SPMIP2: variants seen among roughly 807,000 people sequenced by gnomAD.
SPMIP2 encodes the protein sperm microtubule inner protein 2.
At chr4:159,075,630 G>A in the SPMIP2 span, among the ~76,000 whole-genome samples, 43 of 152,196 alleles carry the variant, frequency 2.8e-4, no homozygotes, top group African/African-American at 9.4e-4. Flanking sequence ...TGCCAACAGC[G>A]TGTAGGACAA....
the SPMIP2 span, among the ~76,000 whole-genome samples, chr4:158,971,608 C>T: frequency 7.9e-3 from 1,201 of 152,292 alleles, 20 homozygotes; most frequent in African/African-American, 0.027. Context: ...GTGCCAGGAT[C>T]GCGCTCAGTG....
chr4:159,017,970 G>A, the SPMIP2 span, among the ~76,000 whole-genome samples: 1 of 152,200 alleles, frequency 6.6e-6, no homozygotes, highest in Non-Finnish European at 1.5e-5. Flanking sequence ...GGATTGGGAT[G>A]CTCCAGACAC....
chr4:159,007,687 T>C, the SPMIP2 span: 1 of 716,714 alleles, frequency 1.4e-6, no homozygotes, highest in Non-Finnish European at 2.4e-6. Context: ...TGGGTCTTGG[T>C]GCACCAGCGA....
At chr4:158,896,776 C>T in the SPMIP2 span, among the ~76,000 whole-genome samples, 1 of 145,438 alleles carries the variant, frequency 6.9e-6, no homozygotes, top group Non-Finnish European at 1.5e-5. Flanking sequence ...GTCTCTTTGT[C>T]GTTTTTTTTT....
chr4:159,061,092 A>AT, the SPMIP2 span, among the ~76,000 whole-genome samples: 163 of 143,990 alleles, frequency 1.1e-3, no homozygotes, highest in South Asian at 4.1e-3. Context: ...CTCAAAAAAA[A>AT]AAATATATAT....
chr4:159,048,877 T>A, the SPMIP2 span, among the ~76,000 whole-genome samples: 2 of 151,802 alleles, frequency 1.3e-5, no homozygotes, highest in South Asian at 4.2e-4. Context: ...GCTTAATAAT[T>A]ATTATTTTTT....
the SPMIP2 span, among the ~76,000 whole-genome samples, chr4:158,987,410 A>C: frequency 2.0e-5 from 3 of 152,288 alleles, no homozygotes; most frequent in East Asian, 5.8e-4. Context: ...AGACTGGATT[A>C]AGAATATGTG....
At chr4:159,070,274 A>G in the SPMIP2 span, among the ~76,000 whole-genome samples, 6 of 152,248 alleles carry the variant, frequency 3.9e-5, no homozygotes, top group African/African-American at 1.4e-4. Flanking sequence ...TAGTGAATAC[A>G]GTGAAGTCAG....
the SPMIP2 span, among the ~76,000 whole-genome samples, chr4:158,925,929 T>C: frequency 1.3e-5 from 2 of 152,236 alleles, no homozygotes; most frequent in African/African-American, 4.8e-5. Flanking sequence ...AGCCATCTTC[T>C]TCCTGTGTCC....
chr4:158,895,557 CTTTG>C, the SPMIP2 span, among the ~76,000 whole-genome samples: 4 of 152,092 alleles, frequency 2.6e-5, no homozygotes, highest in Non-Finnish European at 5.9e-5. Flanking sequence ...CAAAAGTAAA[CTTTG>C]TTTTACAAGA....
At chr4:158,904,596 T>C in the SPMIP2 span, 1 of 1,467,882 alleles carries the variant, frequency 6.8e-7, no homozygotes, top group Non-Finnish European at 9.5e-7. Flanking sequence ...AATTCTCAAC[T>C]GAAGGAGAAA....
chr4:158,944,778 C>T, the SPMIP2 span, among the ~76,000 whole-genome samples: 2 of 152,132 alleles, frequency 1.3e-5, no homozygotes, highest in Non-Finnish European at 2.9e-5. Flanking sequence ...CTGGTAAGTC[C>T]TGATAATTTT....
chr4:158,895,943 T>C, the SPMIP2 span: 3 of 1,093,176 alleles, frequency 2.7e-6, no homozygotes, highest in Non-Finnish European at 4.1e-6. Context: ...GTTTAGCCTG[T>C]GTCACCCTAA....
At chr4:158,951,054 G>A in the SPMIP2 span, among the ~76,000 whole-genome samples, 1 of 152,158 alleles carries the variant, frequency 6.6e-6, no homozygotes, top group Non-Finnish European at 1.5e-5. Context: ...CCATTCTACC[G>A]TATCCTGTCA....
At chr4:158,948,723 C>G in the SPMIP2 span, among the ~76,000 whole-genome samples, 7 of 151,856 alleles carry the variant, frequency 4.6e-5, no homozygotes, top group South Asian at 1.5e-3. Context: ...AGTGATCCTC[C>G]CACCTCAAGT....
At chr4:158,997,681 C>A in the SPMIP2 span, among the ~76,000 whole-genome samples, 1 of 151,958 alleles carries the variant, frequency 6.6e-6, no homozygotes, top group Admixed American at 6.6e-5. Flanking sequence ...GAGACAGGGT[C>A]TCACTCTGTT....
At chr4:159,013,238 T>C in the SPMIP2 span, among the ~76,000 whole-genome samples, 1 of 152,176 alleles carries the variant, frequency 6.6e-6, no homozygotes, top group African/African-American at 2.4e-5. Flanking sequence ...GTTCTGGGTA[T>C]ATACCCAAAA....
chr4:158,984,517 T>G, the SPMIP2 span, among the ~76,000 whole-genome samples: 1 of 151,588 alleles, frequency 6.6e-6, no homozygotes, highest in Non-Finnish European at 1.5e-5. Context: ...CTGAACAACC[T>G]GCTCCTGAAT....
chr4:159,077,441 T>C, the SPMIP2 span, among the ~76,000 whole-genome samples: 1 of 152,174 alleles, frequency 6.6e-6, no homozygotes, highest in African/African-American at 2.4e-5. Flanking sequence ...CCATCACACC[T>C]GGCCCAGATT....
Sources: allele counts gnomAD v4.1 joint callset (sites outside exome capture counted in the v4.1 genomes callset), GRCh38; gene constraint gnomAD v4.1.1; transcripts MANE v1.5; gene names NCBI Gene and HGNC (gene_info 2026-07-23, HGNC 2026-07-21).